RFC3: variants seen among roughly 807,000 people sequenced by gnomAD.
The protein encoded by RFC3 is A1 38 kDa subunit.
RFC3 carries 41 observed loss-of-function variants against 45.1 expected under a neutral mutation model. The observed-to-expected ratio is 0.91, with a 90% CI of 0.71 to 1.18. The LOEUF (loss-of-function observed/expected upper bound fraction) is 1.18, where lower values mean the gene tolerates loss of function less well. RFC3 is among the 50% of genes most tolerant of loss of function. The pLI is 0.00. For missense variants in RFC3, 423 were observed against 428.1 expected (o/e 0.99, Z 0.10); for synonymous variants, 149 against 144.0 (o/e 1.03, Z -0.25).
At chr13:33,881,001 A>G (rs1415082728) in intron 8 of RFC3, among the ~76,000 whole-genome samples, 1 of 152,198 alleles carries the variant, frequency 6.6e-6, no homozygotes, top group Admixed American at 6.5e-5. Context: ...GGTTGCAGTG[A>G]GCTGAGATCG....
intron 8 of RFC3, among the ~76,000 whole-genome samples, chr13:33,861,051 A>G (rs2082337943): frequency 6.6e-6 from 1 of 152,152 alleles, no homozygotes; most frequent in African/African-American, 2.4e-5. Context: ...GGCCAGAGCC[A>G]CCATACCCAG....
At chr13:33,829,142 T>C (rs998975399) in intron 4 of RFC3, among the ~76,000 whole-genome samples, 1 of 152,236 alleles carries the variant, frequency 6.6e-6, no homozygotes, top group Non-Finnish European at 1.5e-5. Context: ...AGAAATAATT[T>C]GTTAATATAA....
chr13:33,842,613 G>T (rs1392592696), intron 8 of RFC3, among the ~76,000 whole-genome samples: 4 of 152,156 alleles, frequency 2.6e-5, no homozygotes, highest in South Asian at 4.1e-4. Context: ...TCTCTACCTG[G>T]GTTTTTCCTT....
At chr13:33,823,718 G>A (rs1447883313) in intron 2 of RFC3, among the ~76,000 whole-genome samples, 199 bp from the exon 3 acceptor site, 2 of 152,040 alleles carry the variant, frequency 1.3e-5, no homozygotes, top group East Asian at 3.9e-4. Flanking sequence ...AATGAAACAG[G>A]ATGTGTGATT....
intron 4 of RFC3, among the ~76,000 whole-genome samples, chr13:33,826,716 T>C (rs895399049): frequency 6.6e-6 from 1 of 152,184 alleles, no homozygotes; most frequent in Non-Finnish European, 1.5e-5. Flanking sequence ...TTAAATTCTC[T>C]TACTGTTTTT....
Position 33,821,150 on chromosome 13 carries a change from C to G in RFC3, c.106C>G (p.Pro36Ala), listed in dbSNP as rs958194982. 6.2e-7 allele frequency: 1 copy of G among 1,613,224 alleles called. No individual in the cohort carries two copies. Among genetic ancestry groups the G allele is most frequent in the Non-Finnish European group, 8.5e-7 (1 of 1,179,626 alleles). ...LRNLVQCGDF[P>A]HLLVYGPSGA... ...TTTTCAGGTGCAGTGTGGTGACTTT[C>G]CTCATCTGTTAGTGTACGGACCATC... Residue 36 changes from proline to alanine, a missense_variant, in exon 2 of 9, where the codon CCT (proline) becomes GCT (alanine). Pro to Ala is a conservative substitution (Grantham distance 27, BLOSUM62 -1). Coordinates refer to ENST00000380071, the MANE Select transcript of RFC3 (RefSeq NM_002915.4).
downstream of RFC3, among the ~76,000 whole-genome samples, chr13:33,969,152 C>T (rs901640693): frequency 1.3e-5 from 2 of 152,220 alleles, no homozygotes; most frequent in African/African-American, 2.4e-5. Context: ...GCCTTCAACT[C>T]CTGATGATAT....
chr13:33,925,535 C>CATGCATAT (rs2082804281), intron 8 of RFC3, among the ~76,000 whole-genome samples: 1 of 88,686 alleles, frequency 1.1e-5, no homozygotes, highest in African/African-American at 8.7e-5. Flanking sequence ...TACATACATA[C>CATGCATAT]ATAGTGTACT....
At chr13:33,953,633 A>G (rs572041177) in intron 8 of RFC3, among the ~76,000 whole-genome samples, 30 of 152,312 alleles carry the variant, frequency 2.0e-4, no homozygotes, top group African/African-American at 6.7e-4. Context: ...TCATGATGAC[A>G]TAATTCCCAA....
At chr13:33,871,262 T>C (rs549642994) in intron 8 of RFC3, among the ~76,000 whole-genome samples, 142 of 152,314 alleles carry the variant, frequency 9.3e-4, no homozygotes, top group African/African-American at 3.2e-3. Context: ...ATCCTCTTAC[T>C]GTTCTGGAGC....
chr13:33,880,519 G>T (rs1287655929), intron 8 of RFC3, among the ~76,000 whole-genome samples: 1 of 152,148 alleles, frequency 6.6e-6, no homozygotes, highest in Non-Finnish European at 1.5e-5. Context: ...GTCCAATAAG[G>T]TAACTATTAG....
intron 8 of RFC3, among the ~76,000 whole-genome samples, chr13:33,853,119 C>G (rs180708814): frequency 2.1e-4 from 32 of 152,210 alleles, no homozygotes; most frequent in African/African-American, 6.7e-4. Flanking sequence ...ATTGGGTATT[C>G]CAGATTCAAG....
chr13:33,855,099 GA>G (rs958094588), intron 8 of RFC3, among the ~76,000 whole-genome samples: 3 of 151,676 alleles, frequency 2.0e-5, no homozygotes, highest in African/African-American at 4.8e-5. Context: ...CAACAGGCAA[GA>G]AAAAAAAGGT....
In RFC3 at chr13:33,929,315, TA is replaced by T. The variant is rs2082837288; in HGVS notation, c.880-36765del. On this transcript the variant is annotated intron_variant, in intron 8 of 8. Coordinates refer to the RFC3 transcript ENST00000434425. ...CCACAGCCAGTACACTTGTGGGCTTTAAAAAAATTTAATTGTAGGTAATAGA... is the reference window on the plus strand; with the variant it reads ...CCACAGCCAGTACACTTGTGGGCTTTAAAAAATTTAATTGTAGGTAATAGA... Among the ~76,000 whole-genome samples the T allele has an allele frequency of 2.0e-5, 3 of 152,094 alleles. No homozygotes were observed. The South Asian group carries it at 6.2e-4, about 32-fold the overall frequency.
chr13:33,939,237 A>ACC (rs2082908665), intron 8 of RFC3, among the ~76,000 whole-genome samples: 2 of 152,158 alleles, frequency 1.3e-5, no homozygotes, highest in Non-Finnish European at 2.9e-5. Flanking sequence ...AGTCCAATTT[A>ACC]TCCATCCCAC....
intron 8 of RFC3, among the ~76,000 whole-genome samples, chr13:33,957,615 T>C (rs761065456): frequency 2.0e-5 from 3 of 152,314 alleles, no homozygotes; most frequent in Non-Finnish European, 4.4e-5. Context: ...AATAGTTCTT[T>C]TGAAAGCCAA....
At chr13:33,941,046 G>A (rs2082920862) in intron 8 of RFC3, among the ~76,000 whole-genome samples, 2 of 152,200 alleles carry the variant, frequency 1.3e-5, no homozygotes, top group Non-Finnish European at 2.9e-5. Context: ...CCTGCCCAGG[G>A]TTTTGTCAGG....
At chr13:33,934,932 A>G (rs7990589) in intron 8 of RFC3, among the ~76,000 whole-genome samples, 3,460 of 152,114 alleles carry the variant, frequency 0.023, 124 homozygotes, top group African/African-American at 0.076. Context: ...GAATCCCCCC[A>G]TTCCTGATGG....
intron 8 of RFC3, among the ~76,000 whole-genome samples, chr13:33,843,600 A>G (rs2082215876): frequency 2.0e-5 from 3 of 152,216 alleles, no homozygotes; most frequent in South Asian, 4.1e-4. Flanking sequence ...AAGTACCTTT[A>G]TGTGAGGCAC....
Sources: gnomAD v4.1 joint callset for allele counts (sites outside exome capture counted in the v4.1 genomes callset) on GRCh38, gnomAD v4.1.1 for gene constraint, MANE v1.5 for transcripts, NCBI Gene and HGNC (gene_info 2026-07-23, HGNC 2026-07-21) for gene names.